Variants in CEP128 observed in about 807,000 individuals in gnomAD.
The protein encoded by CEP128 is centrosomal protein 128, also known as centrosomal protein 128kDa.
CEP128 carries 132 observed loss-of-function variants against 156.7 expected under a neutral mutation model. That is an observed-to-expected ratio of 0.84 (90% CI 0.73 to 0.97). The LOEUF (loss-of-function observed/expected upper bound fraction) is 0.97, where lower values mean the gene tolerates loss of function less well. Among genes scored for constraint, CEP128 ranks in the 50% least tolerant of loss-of-function variants. The probability of loss-of-function intolerance (pLI) is 0.00; values close to 1 mark genes in which losing one functional copy is unlikely to be tolerated. For missense variants in CEP128, 1,252 were observed against 1,281.9 expected, an observed-to-expected ratio of 0.98 and a Z score of 0.36; for synonymous variants, 469 against 448.9, an observed-to-expected ratio of 1.04 and a Z score of -0.57.
chr14:80,898,589 T>C (rs1463398317), intron 7 of CEP128, among the ~76,000 whole-genome samples: 2 of 152,166 alleles, frequency 1.3e-5, no homozygotes, highest in Non-Finnish European at 2.9e-5. Context: ...CTGAATCTTC[T>C]TACAAGACAA....
rs557657710 is a variant in CEP128 at position 80,575,443 on chromosome 14, A to C, written c.2856+4931T>G. On this transcript the variant is annotated intron_variant, in intron 20 of 24. Coordinates refer to ENST00000555265, the MANE Select transcript of CEP128 (RefSeq NM_152446.5). ...TATTTAGCAGCTGGCCAAAGACATAATACTACTTTCTTCAGCATAATCTGA... is the reference window on the plus strand; with the variant it reads ...TATTTAGCAGCTGGCCAAAGACATACTACTACTTTCTTCAGCATAATCTGA... Among the ~76,000 whole-genome samples, 36 of 152,276 alleles carry C rather than the reference A, an allele frequency of 2.4e-4. No homozygotes were observed. The South Asian group carries it at 6.2e-3, about 26-fold the overall frequency.
rs118029474 is a variant in CEP128, at chr14:80,817,271, T to C, written c.1209+13872A>G. Among the ~76,000 whole-genome samples the C allele has an allele frequency of 8.5e-3, 1,292 of 152,232 alleles. 15 individuals carry two copies. Among genetic ancestry groups the C allele is most frequent in the Non-Finnish European group, 0.01 (685 of 68,012 alleles). On this transcript the variant is annotated intron_variant, in intron 13 of 24. Transcript: ENST00000555265. ...CCAAAAGGTAGAGAACGAATCAGTATTCAAAGTTAATACAAAAATTATCTA... is the reference window on the plus strand; with the variant it reads ...CCAAAAGGTAGAGAACGAATCAGTACTCAAAGTTAATACAAAAATTATCTA...
chr14:80,676,423 C>A (rs1185210152), intron 19 of CEP128, among the ~76,000 whole-genome samples: 1 of 150,206 alleles, frequency 6.7e-6, no homozygotes, highest in African/African-American at 2.5e-5. Context: ...TGCTGACTTT[C>A]ATTATTTCTA....
At chr14:80,555,155 A>C (rs1433053939) in intron 21 of CEP128, among the ~76,000 whole-genome samples, 1 of 152,118 alleles carries the variant, frequency 6.6e-6, no homozygotes, top group East Asian at 1.9e-4. Context: ...ATCTCTCTAT[A>C]CATTATCTCC....
At chr14:80,889,160 C>A (rs944334162) in intron 8 of CEP128, among the ~76,000 whole-genome samples, 1 of 152,190 alleles carries the variant, frequency 6.6e-6, no homozygotes, top group Non-Finnish European at 1.5e-5. Context: ...ACATTCCATC[C>A]TCATGGACAT....
intron 23 of CEP128, among the ~76,000 whole-genome samples, chr14:80,510,493 T>C (rs1296116133): frequency 2.6e-5 from 4 of 152,098 alleles, no homozygotes; most frequent in Non-Finnish European, 5.9e-5. Context: ...ACTGAATTGG[T>C]TTATCAGTTC....
chr14:80,810,401 C>CA (rs1252918592), intron 13 of CEP128, among the ~76,000 whole-genome samples: 1 of 148,004 alleles, frequency 6.8e-6, no homozygotes, highest in African/African-American at 2.5e-5. Flanking sequence ...AAAAAAAACT[C>CA]ACATATCAAT....
At chr14:80,595,563 A>C (rs1472265416) in intron 19 of CEP128, among the ~76,000 whole-genome samples, 1 of 152,234 alleles carries the variant, frequency 6.6e-6, no homozygotes, top group East Asian at 1.9e-4. Context: ...ATAGACTGAT[A>C]AGCCAGGTGC....
At chr14:80,737,068 C>G (rs147781799) in intron 19 of CEP128, among the ~76,000 whole-genome samples, 1 of 152,102 alleles carries the variant, frequency 6.6e-6, no homozygotes, top group East Asian at 1.9e-4. Flanking sequence ...ACTCTAAGAG[C>G]GGGCATAATT....
intron 19 of CEP128, among the ~76,000 whole-genome samples, chr14:80,735,082 G>T (rs1898466523): frequency 6.6e-6 from 1 of 151,990 alleles, no homozygotes; most frequent in Admixed American, 6.6e-5. Flanking sequence ...CTTCTTCTTG[G>T]TGCCTAGGAC....
At chr14:80,762,133 T>C (rs555743077) in intron 16 of CEP128, among the ~76,000 whole-genome samples, 75 of 152,270 alleles carry the variant, frequency 4.9e-4, no homozygotes, top group African/African-American at 1.7e-3. Context: ...ATAAATGCTT[T>C]TGAGTCGTGA....
intron 19 of CEP128, among the ~76,000 whole-genome samples, chr14:80,632,552 T>C (rs1338991068): frequency 6.7e-6 from 1 of 149,292 alleles, no homozygotes; most frequent in East Asian, 1.9e-4. Context: ...TCATACTATA[T>C]ATAATATATA....
chr14:80,741,827 C>T (rs1176766743), intron 19 of CEP128, among the ~76,000 whole-genome samples: 1 of 152,004 alleles, frequency 6.6e-6, no homozygotes, highest in Non-Finnish European at 1.5e-5. Context: ...AGTAGTTTCG[C>T]TGCCTTTCAC....
chr14:80,918,392 T>C (rs1266921057), intron 2 of CEP128, among the ~76,000 whole-genome samples: 2 of 152,200 alleles, frequency 1.3e-5, no homozygotes, highest in Non-Finnish European at 2.9e-5. Flanking sequence ...AAAATCAACA[T>C]TTTCTAAGAC....
intron 19 of CEP128, among the ~76,000 whole-genome samples, chr14:80,591,534 T>C (rs1339554904): frequency 2.6e-5 from 4 of 152,086 alleles, no homozygotes; most frequent in East Asian, 1.9e-4. Flanking sequence ...CAAAGAGACA[T>C]AGACTCCCAC....
chr14:80,742,989 G>T, intron 19 of CEP128, 86 bp downstream of exon 19: 1 of 1,112,354 alleles, frequency 9.0e-7, no homozygotes, highest in Non-Finnish European at 1.3e-6. Context: ...CAAAGGGGAT[G>T]CAACAGAAGT....
chr14:80,595,375 G>C (rs1392226428), intron 19 of CEP128, among the ~76,000 whole-genome samples: 2 of 152,176 alleles, frequency 1.3e-5, no homozygotes, highest in African/African-American at 4.8e-5. Flanking sequence ...TAATGTAGAT[G>C]ATGGGTTGAT....
rs1406259985 is a variant in CEP128 at position 80,496,943 on chromosome 14, T to C, written c.*536A>G. 6.6e-6 allele frequency: 1 copy of C among 152,366 alleles called. No homozygotes were observed. Among genetic ancestry groups the C allele is most frequent in the Non-Finnish European group, 1.5e-5 (1 of 68,184 alleles). 9.4% of individuals were successfully genotyped at this position (152,366 alleles called of 1,614,324 possible). A position where few individuals can be genotyped will look rare whatever the true frequency, so the allele number is the denominator to read the frequency against. On this transcript the variant is annotated 3_prime_UTR_variant, in exon 25 of 25. Coordinates refer to ENST00000555265, the MANE Select transcript of CEP128 (RefSeq NM_152446.5). ...ATGCAGTTGTGGACTGTTAAGATGA[T>C]AGATATAAAAGTCCTGAGCATTTAT...
At chr14:80,885,086 A>C (rs187860251) in intron 8 of CEP128, among the ~76,000 whole-genome samples, 27 of 152,260 alleles carry the variant, frequency 1.8e-4, no homozygotes, top group Middle Eastern at 3.4e-3. Context: ...ATTCCTCCTC[A>C]CTGGGCAGGA....
Sources: allele counts gnomAD v4.1 joint callset (sites outside exome capture counted in the v4.1 genomes callset), GRCh38; gene constraint gnomAD v4.1.1; transcripts MANE v1.5; gene names NCBI Gene and HGNC (gene_info 2026-07-23, HGNC 2026-07-21).